The following DZIP1L variants were observed in gnomAD, a reference collection of about 807,000 sequenced individuals.
DZIP1L encodes the protein DAZ interacting zinc finger protein 1 like.
Under a neutral mutation model 88.7 loss-of-function variants are expected in DZIP1L, and 90 were observed. The observed-to-expected ratio is 1.02, with a 90% CI of 0.86 to 1.21. The LOEUF (loss-of-function observed/expected upper bound fraction) is 1.21. Ranked by LOEUF, DZIP1L falls within the 50% of genes most tolerant of loss-of-function variation. The probability of loss-of-function intolerance (pLI) is 0.00; values close to 1 mark genes in which losing one functional copy is unlikely to be tolerated. For synonymous variants in DZIP1L, 363 were observed against 372.1 expected, an observed-to-expected ratio of 0.98 and a Z score of 0.28; for missense variants, 932 against 955.8, an observed-to-expected ratio of 0.98 and a Z score of 0.33.
At chr3:138,077,316 G>A (rs928389072) in intron 11 of DZIP1L, among the ~76,000 whole-genome samples, 183 bp downstream of exon 11, 8 of 152,204 alleles carry the variant, frequency 5.3e-5, no homozygotes, top group African/African-American at 1.9e-4. Context: ...GAGAAACAGA[G>A]GAAAGATATC....
rs897330894 is a variant in DZIP1L at position 138,091,454 on chromosome 3, T to G, written c.870+929A>C. ...TCAACATGGTGAAACCCCGTCTCTATGAAAAATACAAAAATTAGCCAGGAA... is the reference window on the plus strand; with the variant it reads ...TCAACATGGTGAAACCCCGTCTCTAGGAAAAATACAAAAATTAGCCAGGAA... On this transcript the variant is annotated intron_variant, in intron 5 of 15. Transcript: ENST00000327532. Among the ~76,000 whole-genome samples, 29 of 150,830 alleles carry G rather than the reference T, an allele frequency of 1.9e-4. 1 individual carries two copies. Among genetic ancestry groups the G allele is most frequent in the Non-Finnish European group, 3.7e-4 (25 of 67,686 alleles).
Position 138,080,634 on chromosome 3 carries a change from G to A in DZIP1L, c.1235-14C>T, listed in dbSNP as rs1233259040. On this transcript the variant is annotated splice_polypyrimidine_tract_variant and intron_variant, in intron 9 of 15. Coordinates refer to ENST00000327532, the MANE Select transcript of DZIP1L (RefSeq NM_173543.3). ...CCTTGTGGATCCCTGAAGAGAGGAG[G>A]AACAGTTAGTGGCACCAGTGCTCTG... 3 of 1,612,168 alleles carry A rather than the reference G, an allele frequency of 1.9e-6. No homozygotes were observed. The highest frequency in any genetic ancestry group is 1.7e-5 in the Admixed American group (1 of 60,014).
At chr3:138,069,476 C>T (rs771093704) in intron 12 of DZIP1L, among the ~76,000 whole-genome samples, 1 of 152,116 alleles carries the variant, frequency 6.6e-6, no homozygotes, top group Non-Finnish European at 1.5e-5. Flanking sequence ...TGTTCAAGGG[C>T]CAGCTATGCA....
At position 138,064,697 on chromosome 3, in the gene DZIP1L, T is replaced by G; in HGVS notation, c.2073A>C (p.Gly691=). The part of the protein sequence containing the change: ...QLEAPAKKPA[G]GVSLFFMPNA... ...TGGGCATAAAAAACAGACTGACCCC[T>G]CCAGCAGGCTTCTTTGCTGGAGCTT... The change falls in exon 15 of 16, where the codon GGA becomes GGC. Residue 691 remains glycine, a synonymous_variant. Coordinates refer to ENST00000327532, the MANE Select transcript of DZIP1L (RefSeq NM_173543.3). The G allele has an allele frequency of 6.2e-7, 1 of 1,612,502 alleles. No individual in the cohort carries two copies. Among genetic ancestry groups the G allele is most frequent in the African/African-American group, 1.3e-5 (1 of 74,902 alleles).
At chr3:138,077,733 G>A (rs1943479914) in intron 10 of DZIP1L, 101 bp from the exon 11 acceptor site, 1 of 1,526,206 alleles carries the variant, frequency 6.6e-7, no homozygotes, top group Non-Finnish European at 8.8e-7. Context: ...CAGGAATCCT[G>A]GTCGGTTAAC....
intron 2 of DZIP1L, 38 bp from the exon 3 acceptor site, chr3:138,097,885 G>A (rs1371540961): frequency 2.6e-6 from 4 of 1,558,864 alleles, no homozygotes; most frequent in Non-Finnish European, 3.5e-6. Context: ...ACAAGATTAG[G>A]TCACCTGAGT....
At chr3:138,087,761 C>T (rs1944016027) in intron 6 of DZIP1L, among the ~76,000 whole-genome samples, 1 of 152,204 alleles carries the variant, frequency 6.6e-6, no homozygotes, top group Non-Finnish European at 1.5e-5. Flanking sequence ...CATGATTTAA[C>T]ACCTGTACCA....
intron 12 of DZIP1L, among the ~76,000 whole-genome samples, chr3:138,070,061 G>A (rs919992542): frequency 4.6e-5 from 7 of 152,156 alleles, no homozygotes; most frequent in African/African-American, 1.7e-4. Flanking sequence ...GTAGCACCTA[G>A]AAGGAGCAAG....
chr3:138,074,738 A>G (rs1182255435), intron 11 of DZIP1L, among the ~76,000 whole-genome samples: 1 of 152,150 alleles, frequency 6.6e-6, no homozygotes, highest in Non-Finnish European at 1.5e-5. Flanking sequence ...ACACGAAAAA[A>G]AAAAAAGGCA....
intron 5 of DZIP1L, among the ~76,000 whole-genome samples, chr3:138,089,798 GACAC>G (rs1276106127): frequency 2.0e-5 from 3 of 152,068 alleles, no homozygotes; most frequent in Non-Finnish European, 4.4e-5. Context: ...GACAGGGTGA[GACAC>G]ACAAACATAC....
chr3:138,083,438 T>A lies in DZIP1L; in HGVS notation c.1203+675A>T, dbSNP rs1943764870. Among the ~76,000 whole-genome samples the A allele has an allele frequency of 4.6e-5, 7 of 152,150 alleles. No individual in the cohort carries two copies. In the South Asian group the frequency reaches 1.5e-3, roughly 32 times the overall value. On this transcript the variant is annotated intron_variant, in intron 8 of 15. Coordinates refer to ENST00000327532, the MANE Select transcript of DZIP1L (RefSeq NM_173543.3). ...GGTGGCAGCAGAGGAAGATACAGAT[T>A]TTCCACAGACCTGGGGCTCTGGAGG...
At chr3:138,066,903 G>A (rs899932327) in intron 14 of DZIP1L, among the ~76,000 whole-genome samples, 1 of 152,168 alleles carries the variant, frequency 6.6e-6, no homozygotes, top group Non-Finnish European at 1.5e-5. Flanking sequence ...TGATCCAGAA[G>A]ACAGTGCCAG....
chr3:138,102,198 G>A (rs917137867), intron 2 of DZIP1L: 29 of 1,372,818 alleles, frequency 2.1e-5, no homozygotes, highest in Admixed American at 3.4e-5. Context: ...AGGCGTGTCC[G>A]AGATCTGGGA....
Position 138,103,844 on chromosome 3 carries a change from A to G in DZIP1L, c.128T>C (p.Val43Ala). Reference protein sequence around the residue: ...MDWRRISTLDVDRVARELDVA... With the variant: ...MDWRRISTLDADRVARELDVA... ...ATCCAGTTCCCGGGCCACGCGGTCT[A>G]CATCCAGGGTGCTAATGCGTCTCCA... Residue 43 changes from valine (V) to alanine (A), a missense_variant, in exon 2 of 16, where the codon GTA (valine) becomes GCA (alanine). Physicochemically the swap from Val to Ala is moderately conservative, Grantham distance 64 (BLOSUM62 0). Transcript: ENST00000327532. The G allele has an allele frequency of 6.2e-7, 1 of 1,614,168 alleles. No homozygotes were observed. Among genetic ancestry groups the G allele is most frequent in the Non-Finnish European group, 8.5e-7 (1 of 1,180,050 alleles).
Position 138,062,651 on chromosome 3 carries a change from G to T in DZIP1L, c.*165C>A. ...CCATCTACAGCAGGGCCCCTCACAG[G>T]TCAGGAGGGATGAGATCATATCCAT... On this transcript the variant is annotated 3_prime_UTR_variant, in exon 16 of 16. Coordinates refer to ENST00000327532, the MANE Select transcript of DZIP1L (RefSeq NM_173543.3). The T allele has an allele frequency of 1.2e-6, 1 of 807,796 alleles. No homozygotes were observed. 50.0% of individuals were successfully genotyped at this position (807,796 alleles called of 1,614,324 possible).
At chr3:138,087,788 A>G (rs1313179138) in intron 6 of DZIP1L, among the ~76,000 whole-genome samples, 2 of 152,208 alleles carry the variant, frequency 1.3e-5, no homozygotes, top group African/African-American at 4.8e-5. Flanking sequence ...CTTCTTTGCC[A>G]TGGAATTATC....
intron 2 of DZIP1L, among the ~76,000 whole-genome samples, chr3:138,100,591 C>T (rs927527913): frequency 6.6e-6 from 1 of 152,166 alleles, no homozygotes; most frequent in Non-Finnish European, 1.5e-5. Context: ...TCCCTTAACT[C>T]ATGGGATCTG....
Position 138,081,746 on chromosome 3 carries a change from TGA to T in DZIP1L, c.1220_1221del (p.Leu407GlnfsTer30). 1 of 1,613,236 alleles carries T rather than the reference TGA, an allele frequency of 6.2e-7. No homozygotes were observed. The highest frequency in any genetic ancestry group is 8.5e-7 in the Non-Finnish European group (1 of 1,179,508). On this transcript the variant is annotated frameshift_variant, in exon 9 of 16. Coordinates refer to ENST00000327532, the MANE Select transcript of DZIP1L (RefSeq NM_173543.3). LOFTEE classifies it high-confidence loss of function. ...TGTAGACACTTACCTTCCACCTTCC[TGA>T]GAGACAAGGACTGGATCTGCAAAGA... ...SQEEMIQSLS[L>X]RKVEGIHKVP... is the part of the protein sequence containing the mutation.
At chr3:138,073,471 A>C (rs1943268744) in intron 11 of DZIP1L, among the ~76,000 whole-genome samples, 1 of 151,898 alleles carries the variant, frequency 6.6e-6, no homozygotes, top group African/African-American at 2.4e-5. Flanking sequence ...AAAAACAATC[A>C]CTACAGTTCA....
Sources: gnomAD v4.1 joint callset for allele counts (sites outside exome capture counted in the v4.1 genomes callset) on GRCh38, gnomAD v4.1.1 for gene constraint, MANE v1.5 for transcripts, NCBI Gene and HGNC (gene_info 2026-07-23, HGNC 2026-07-21) for gene names.